Variants in AMY2B observed in about 807,000 individuals in gnomAD.
AMY2B encodes the protein alpha-amylase 2B.
AMY2B carries 63 observed loss-of-function variants against 59.3 expected under a neutral mutation model. That is an observed-to-expected ratio of 1.06 (90% CI 0.87 to 1.31). AMY2B has a LOEUF of 1.31. AMY2B is among the 50% of genes most tolerant of loss of function. The pLI, the probability that AMY2B is intolerant of heterozygous loss-of-function variation, is 0.00. For missense variants in AMY2B, 635 were observed against 626.7 expected, an observed-to-expected ratio of 1.01 and a Z score of -0.14; for synonymous variants, 180 against 198.1, an observed-to-expected ratio of 0.91 and a Z score of 0.77.
chr1:103,578,763 C>T (rs1196399814), intron 9 of AMY2B, among the ~76,000 whole-genome samples: 3 of 148,564 alleles, frequency 2.0e-5, no homozygotes, highest in African/African-American at 7.5e-5. Context: ...CTATGTATGC[C>T]CCAAATTCTT....
At chr1:103,557,092 A>G (rs1651576934) in intron 1 of AMY2B, among the ~76,000 whole-genome samples, 3 of 152,094 alleles carry the variant, frequency 2.0e-5, no homozygotes, top group Non-Finnish European at 4.4e-5. Flanking sequence ...TCTGAAAACA[A>G]ACGGTATATA....
At chr1:103,559,254 A>C (rs1651659266) in intron 1 of AMY2B, among the ~76,000 whole-genome samples, 1 of 152,204 alleles carries the variant, frequency 6.6e-6, no homozygotes, top group Non-Finnish European at 1.5e-5. Flanking sequence ...CCTATGTTTA[A>C]ATATATTTAG....
chr1:103,571,223 T>A, upstream of AMY2B: 1 of 672,538 alleles, frequency 1.5e-6, no homozygotes, highest in Non-Finnish European at 2.0e-6. Flanking sequence ...CATTTATACC[T>A]ATAAATGTAT....
At chr1:103,571,341 C>T (rs1270911061), upstream of AMY2B, 1 of 955,754 alleles carries the variant, frequency 1.0e-6, no homozygotes, top group Non-Finnish European at 1.5e-6. Flanking sequence ...TAGGCCCCAG[C>T]AATATATCAT....
At chr1:103,570,234 C>A (rs1477038415), upstream of AMY2B, 2 of 527,492 alleles carry the variant, frequency 3.8e-6, no homozygotes, top group East Asian at 9.6e-5. Flanking sequence ...AGTAGATGGC[C>A]ACTGCCACAT....
In AMY2B at chr1:103,577,756, G is replaced by C; in HGVS notation, c.1257G>C (p.Gln419His). The change falls in exon 9 of 10, where the codon CAG becomes CAC. Residue 419 changes from glutamine (Q) to histidine (H), a missense_variant. Gln to His is a conservative substitution (Grantham distance 24). Coordinates refer to ENST00000684275, the MANE Select transcript of AMY2B (RefSeq NM_001387437.1). ...ATTTCCGCAATGTAGTGGATGGCCA[G>C]CCTTTTACAAACTGGTATGATAATG... ...MVNFRNVVDG[Q>H]PFTNWYDNGS... The C allele has an allele frequency of 5.0e-6, 8 of 1,609,942 alleles. No individual in the cohort carries two copies. The highest frequency in any genetic ancestry group is 1.3e-5 in the African/African-American group (1 of 74,972).
chr1:103,573,661 GA>G (rs745695771), intron 3 of AMY2B, 46 bp from the exon 4 acceptor site: 1 of 1,609,418 alleles, frequency 6.2e-7, no homozygotes, highest in Non-Finnish European at 8.5e-7. Flanking sequence ...ATTCTCATGT[GA>G]AAAATGAGGT....
chr1:103,556,188 AAT>A (rs1199709850), intron 1 of AMY2B, among the ~76,000 whole-genome samples: 2,978 of 152,282 alleles, frequency 0.02, 94 homozygotes, highest in African/African-American at 0.068. Flanking sequence ...ACTCTTAGGC[AAT>A]CTGTGGTTTA....
chr1:103,563,262 G>A (rs919186212), intron 1 of AMY2B, among the ~76,000 whole-genome samples: 2 of 152,000 alleles, frequency 1.3e-5, no homozygotes, highest in Non-Finnish European at 2.9e-5. Context: ...GCACATGATA[G>A]TAACCGTTAG....
Position 103,575,482 on chromosome 1 carries a change from A to C in AMY2B, c.1043A>C (p.Tyr348Ser). The change falls in exon 7 of 10, where the codon TAT becomes TCT. Residue 348 changes from tyrosine (Y) to serine (S), a missense_variant. Tyr to Ser is a moderately radical substitution (Grantham distance 144). Transcript: ENST00000684275. Reference protein sequence around the residue: ...MAVGFMLAHPYGFTRVMSSYR... With the variant: ...MAVGFMLAHPSGFTRVMSSYR... ...GTTGGATTTATGCTTGCTCATCCTTATGGTTTTACACGAGTAATGTCAAGC... is the reference window on the plus strand; with the variant it reads ...GTTGGATTTATGCTTGCTCATCCTTCTGGTTTTACACGAGTAATGTCAAGC... 6.2e-7 allele frequency: 1 copy of C among 1,613,722 alleles called. No individual in the cohort carries two copies. Among genetic ancestry groups the C allele is most frequent in the Admixed American group, 1.7e-5 (1 of 59,986 alleles).
intron 1 of AMY2B, chr1:103,565,111 C>T (rs1161377692): frequency 6.6e-6 from 1 of 152,312 alleles, no homozygotes; most frequent in Non-Finnish European, 1.5e-5. Flanking sequence ...CCAAGACCCC[C>T]AGCAGGTGCC....
chr1:103,577,602 A>T lies in AMY2B; in HGVS notation c.1214A>T (p.Gln405Leu). The change falls in exon 8 of 10, where the codon CAA (glutamine) becomes CTA (leucine). Residue 405 changes from glutamine to leucine, a missense_variant. Coordinates refer to ENST00000684275, the MANE Select transcript of AMY2B (RefSeq NM_001387437.1). ...TGGGTCTGTGAACATCGATGGCGCC[A>T]AATAAGGTGAGAATATGTATTTAGA... ...NDWVCEHRWR[Q>L]IRNMVNFRNV... 5 of 1,611,952 alleles carry T rather than the reference A, an allele frequency of 3.1e-6. No individual in the cohort carries two copies. Among genetic ancestry groups the T allele is most frequent in the Non-Finnish European group, 4.2e-6 (5 of 1,179,792 alleles).
At chr1:103,570,536 C>T (rs12132911), upstream of AMY2B, 108,147 of 607,888 alleles carry the variant, frequency 0.18, 10,694 homozygotes, top group South Asian at 0.25. Context: ...TCAAGATGAT[C>T]GCATCCCCAG....
upstream of AMY2B, chr1:103,568,833 TTGTA>T (rs1386442537): frequency 2.6e-5 from 4 of 151,002 alleles, no homozygotes; most frequent in East Asian, 1.9e-4. Flanking sequence ...ATATATATGT[TTGTA>T]TGTATGTGTG....
rs1161108546 is a variant in AMY2B at position 103,579,386 on chromosome 1, T to C, written c.1422T>C (p.Asn474=). 5 of 1,611,846 alleles carry C rather than the reference T, an allele frequency of 3.1e-6. No individual in the cohort carries two copies. Among genetic ancestry groups the C allele is most frequent in the Non-Finnish European group, 4.2e-6 (5 of 1,179,732 alleles). The change falls in exon 10 of 10, where the codon AAT becomes AAC. Residue 474 remains asparagine (N), a synonymous_variant. Coordinates refer to ENST00000684275, the MANE Select transcript of AMY2B (RefSeq NM_001387437.1). ...ATGTCATTTCTGGAGATAAAATTAA[T>C]GGCAATTGCACAGGCATTAAAATCT... The part of the protein sequence containing the change: ...YCDVISGDKI[N]GNCTGIKIYV...
intron 3 of AMY2B, 112 bp downstream of exon 3, chr1:103,573,372 C>A: frequency 6.5e-7 from 1 of 1,533,782 alleles, no homozygotes; most frequent in Admixed American, 2.0e-5. Flanking sequence ...CTTAGGGACA[C>A]AGGTTAACAG....
intron 1 of AMY2B, among the ~76,000 whole-genome samples, chr1:103,563,822 C>T (rs901754093): frequency 6.6e-6 from 1 of 151,980 alleles, no homozygotes; most frequent in Non-Finnish European, 1.5e-5. Flanking sequence ...TGCCAGAAAT[C>T]CTAAGCGAAT....
upstream of AMY2B, chr1:103,571,380 G>A (rs1652123933): frequency 2.6e-6 from 3 of 1,164,406 alleles, no homozygotes; most frequent in Admixed American, 5.8e-5. Flanking sequence ...AGTGCTGCCA[G>A]AACCAAAAAA....
intron 1 of AMY2B, among the ~76,000 whole-genome samples, chr1:103,564,809 GT>G (rs768958289): frequency 6.6e-6 from 1 of 151,744 alleles, no homozygotes; most frequent in Non-Finnish European, 1.5e-5. Context: ...TTTTTTAATT[GT>G]TTTTATATAC....
Sources: allele counts gnomAD v4.1 joint callset (sites outside exome capture counted in the v4.1 genomes callset), GRCh38; gene constraint gnomAD v4.1.1; transcripts MANE v1.5; gene names NCBI Gene and HGNC (gene_info 2026-07-23, HGNC 2026-07-21).